The following MACROD2 variants were observed in gnomAD, a reference collection of about 807,000 sequenced individuals.
MACROD2 encodes the protein mono-ADP ribosylhydrolase 2, also known as ADP-ribose glycohydrolase MACROD2.
MACROD2 carries 36 observed loss-of-function variants against 70.4 expected under a neutral mutation model. The observed-to-expected ratio is 0.51, with a 90% CI of 0.39 to 0.68. The LOEUF (loss-of-function observed/expected upper bound fraction) is 0.68. Among genes scored for constraint, MACROD2 ranks in the 30% least tolerant of loss-of-function variants. MACROD2 has a pLI of 0.00. For missense variants in MACROD2, 496 were observed against 538.4 expected (o/e 0.92, Z 0.78); for synonymous variants, 172 against 178.8 (o/e 0.96, Z 0.30).
chr20:14,086,279 C>T (rs2054075696), intron 3 of MACROD2: 4 of 286,656 alleles, frequency 1.4e-5, no homozygotes, highest in Non-Finnish European at 2.9e-5. Flanking sequence ...AGTTAATTTT[C>T]CTATTTCAAC....
chr20:15,028,288 G>T (rs1269423973), intron 5 of MACROD2, among the ~76,000 whole-genome samples: 4 of 152,182 alleles, frequency 2.6e-5, no homozygotes, highest in Non-Finnish European at 2.9e-5. Context: ...TTGATCCAAG[G>T]TATCACTGTA....
intron 2 of MACROD2, among the ~76,000 whole-genome samples, chr20:14,061,527 A>G (rs902271135): frequency 6.6e-6 from 1 of 152,068 alleles, no homozygotes; most frequent in Admixed American, 6.6e-5. Context: ...ATTGAAGGAA[A>G]AGGTTGCGAG....
chr20:14,097,770 TG>T (rs2054247933), intron 3 of MACROD2, among the ~76,000 whole-genome samples: 1 of 152,204 alleles, frequency 6.6e-6, no homozygotes, highest in African/African-American at 2.4e-5. Flanking sequence ...ATCTTGGGGA[TG>T]GGACCCAAGT....
chr20:15,692,213 T>G (rs1231550758), intron 8 of MACROD2, among the ~76,000 whole-genome samples: 1 of 152,132 alleles, frequency 6.6e-6, no homozygotes, highest in Non-Finnish European at 1.5e-5. Context: ...GAATGTCTAC[T>G]GATTGATGGA....
chr20:14,722,112 G>C (rs1226183864), intron 5 of MACROD2, among the ~76,000 whole-genome samples: 2 of 152,188 alleles, frequency 1.3e-5, no homozygotes, highest in Non-Finnish European at 2.9e-5. Context: ...GCTGGGCTCA[G>C]TTCAAGACTT....
At chr20:15,953,270 A>G (rs1462656951) in intron 12 of MACROD2, among the ~76,000 whole-genome samples, 4 of 152,158 alleles carry the variant, frequency 2.6e-5, no homozygotes, top group African/African-American at 9.6e-5. Context: ...TTATAACTAG[A>G]TCGAAGAAAT....
At chr20:15,277,232 T>A (rs6034142) in intron 6 of MACROD2, among the ~76,000 whole-genome samples, 28,931 of 152,100 alleles carry the variant, frequency 0.19, 2,885 homozygotes, top group Middle Eastern at 0.27. Flanking sequence ...AGTTTCTTCC[T>A]ATATGATTCA....
chr20:15,551,235 A>G (rs2048091482), intron 8 of MACROD2, among the ~76,000 whole-genome samples: 1 of 151,978 alleles, frequency 6.6e-6, no homozygotes, highest in African/African-American at 2.4e-5. Context: ...AGAATCCTCT[A>G]CAGAGTTCCC....
At chr20:14,653,102 G>C (rs1985763611) in intron 4 of MACROD2, among the ~76,000 whole-genome samples, 1 of 151,908 alleles carries the variant, frequency 6.6e-6, no homozygotes, top group Non-Finnish European at 1.5e-5. Flanking sequence ...CCAGGCTGGA[G>C]TGCAATGGCG....
intron 5 of MACROD2, among the ~76,000 whole-genome samples, chr20:14,823,954 T>C (rs917310183): frequency 3.3e-5 from 5 of 152,128 alleles, no homozygotes; most frequent in African/African-American, 1.2e-4. Flanking sequence ...AAATAAATTA[T>C]ATAAGTAAAG....
intron 4 of MACROD2, among the ~76,000 whole-genome samples, chr20:14,588,219 A>G (rs912030194): frequency 1.3e-5 from 2 of 152,030 alleles, no homozygotes; most frequent in Non-Finnish European, 2.9e-5. Flanking sequence ...TCTGGTTTTT[A>G]AATCTTCTTG....
chr20:15,495,534 C>A (rs2047286281), intron 7 of MACROD2, among the ~76,000 whole-genome samples: 1 of 152,164 alleles, frequency 6.6e-6, no homozygotes, highest in Admixed American at 6.5e-5. Flanking sequence ...CCTCCCCATA[C>A]TCTAAGGCTA....
intron 8 of MACROD2, among the ~76,000 whole-genome samples, chr20:15,599,954 TAGGATGGGGCACAC>T (rs2048797137): frequency 6.6e-6 from 1 of 152,042 alleles, no homozygotes; most frequent in Admixed American, 6.6e-5. Context: ...CTGCCAACTC[TAGGATGGGGCACAC>T]AACCTGAGAA....
intron 5 of MACROD2, among the ~76,000 whole-genome samples, chr20:14,728,066 T>G (rs1235533835): frequency 6.6e-6 from 1 of 152,200 alleles, no homozygotes; most frequent in Non-Finnish European, 1.5e-5. Flanking sequence ...CAGTAATTTC[T>G]TCTCTTATTT....
intron 2 of MACROD2, among the ~76,000 whole-genome samples, chr20:14,039,799 C>G (rs2053365917): frequency 7.1e-6 from 1 of 141,760 alleles, no homozygotes; most frequent in African/African-American, 2.5e-5. Context: ...CTTGAATTTG[C>G]CATCTGTTTT....
rs532088056 is a variant in MACROD2, at chr20:15,946,323, A to G, written c.907+8779A>G. 7.9e-5 allele frequency among the ~76,000 whole-genome samples: 12 copies of G among 152,212 alleles called. No individual in the cohort carries two copies. In the South Asian group the frequency reaches 2.5e-3, roughly 32 times the overall value. On this transcript the variant is annotated intron_variant, in intron 12 of 17. Transcript: ENST00000684519. ...CACTCTCAATATCTTTCTTGCCCTAACTAGAACCTTTACTCCATCCTTCCC... is the reference window on the plus strand; with the variant it reads ...CACTCTCAATATCTTTCTTGCCCTAGCTAGAACCTTTACTCCATCCTTCCC...
chr20:15,265,136 G>T (rs1176173545), intron 6 of MACROD2, among the ~76,000 whole-genome samples: 1 of 152,156 alleles, frequency 6.6e-6, no homozygotes, highest in African/African-American at 2.4e-5. Context: ...CTTTAGAATT[G>T]CAAGGAAGAG....
chr20:15,825,554 A>G (rs939630181), intron 8 of MACROD2, among the ~76,000 whole-genome samples: 2 of 151,686 alleles, frequency 1.3e-5, no homozygotes, highest in African/African-American at 4.8e-5. Flanking sequence ...GTTGGAGTAC[A>G]GTGGCCCAAT....
intron 5 of MACROD2, among the ~76,000 whole-genome samples, chr20:14,912,426 T>C (rs544744124): frequency 6.6e-6 from 1 of 152,326 alleles, no homozygotes; most frequent in South Asian, 2.1e-4. Context: ...ATTTAAAGTA[T>C]ATATTTAGAG....
Sources: allele counts gnomAD v4.1 joint callset (sites outside exome capture counted in the v4.1 genomes callset), GRCh38; gene constraint gnomAD v4.1.1; transcripts MANE v1.5; gene names NCBI Gene and HGNC (gene_info 2026-07-23, HGNC 2026-07-21).